AP2A1: variants seen among roughly 807,000 people sequenced by gnomAD.
AP2A1 encodes adaptor related protein complex 2 subunit alpha 1.
AP2A1 carries 21 observed loss-of-function variants against 107.3 expected under a neutral mutation model. The observed-to-expected ratio is 0.20, with a 90% CI of 0.14 to 0.28. The LOEUF is 0.28. Among genes scored for constraint, AP2A1 ranks in the 10% least tolerant of loss-of-function variants. AP2A1 has a pLI of 1.00. For missense variants in AP2A1, 873 were observed against 1,307.7 expected, an observed-to-expected ratio of 0.67 and a Z score of 5.13; for synonymous variants, 602 against 564.8, an observed-to-expected ratio of 1.07 and a Z score of -0.93.
intron 7 of AP2A1, among the ~76,000 whole-genome samples, chr19:49,797,807 C>G (rs2073230289): frequency 6.6e-6 from 1 of 152,144 alleles, no homozygotes; most frequent in African/African-American, 2.4e-5. Flanking sequence ...TTCTGCCAGG[C>G]TCAGTGGCTA....
intron 1 of AP2A1, among the ~76,000 whole-genome samples, chr19:49,768,679 T>G (rs1485561036): frequency 6.6e-6 from 1 of 152,004 alleles, no homozygotes; most frequent in Non-Finnish European, 1.5e-5. Flanking sequence ...GGAGAAATGA[T>G]CACTTGTTAT....
At chr19:49,801,300 G>A (rs532940179) in intron 12 of AP2A1, 90 bp from the exon 13 acceptor site, 12 of 1,333,374 alleles carry the variant, frequency 9.0e-6, no homozygotes, top group South Asian at 1.3e-5. Flanking sequence ...GTCCTGGGAC[G>A]GGTCCATCCT....
chr19:49,791,200 T>G (rs79354423), intron 4 of AP2A1, among the ~76,000 whole-genome samples: 16,789 of 152,296 alleles, frequency 0.11, 1,211 homozygotes, highest in East Asian at 0.23. Flanking sequence ...CTTTCCTCCT[T>G]AAGTTACTCT....
At chr19:49,802,689 G>C in intron 15 of AP2A1, 1 of 1,301,062 alleles carries the variant, frequency 7.7e-7, no homozygotes, top group Non-Finnish European at 1.0e-6. Flanking sequence ...CCTCGTCAAC[G>C]GGTTCCTGAT....
intron 6 of AP2A1, 28 bp from the exon 7 acceptor site, chr19:49,795,602 C>CCCCCACA: frequency 8.1e-7 from 1 of 1,236,848 alleles, no homozygotes. Context: ...CCCCAGCCCC[C>CCCCCACA]AACTTATTTC....
intron 1 of AP2A1, among the ~76,000 whole-genome samples, chr19:49,775,439 C>G (rs1299151258): frequency 1.3e-5 from 2 of 152,072 alleles, no homozygotes; most frequent in Non-Finnish European, 2.9e-5. Flanking sequence ...CTCAGCCTCC[C>G]TAGTAGCTGG....
chr19:49,770,009 C>T (rs962557466), intron 1 of AP2A1, among the ~76,000 whole-genome samples: 2 of 152,124 alleles, frequency 1.3e-5, no homozygotes, highest in Non-Finnish European at 2.9e-5. Flanking sequence ...GCTGGGATTA[C>T]AGGCACCCGC....
intron 1 of AP2A1, among the ~76,000 whole-genome samples, chr19:49,772,386 C>T (rs961092038): frequency 2.7e-5 from 4 of 149,760 alleles, no homozygotes; most frequent in African/African-American, 7.4e-5. Context: ...TTATGTTGCC[C>T]GGGCTGGTCT....
At chr19:49,775,138 C>T (rs756862747) in intron 1 of AP2A1, among the ~76,000 whole-genome samples, 4 of 151,172 alleles carry the variant, frequency 2.6e-5, no homozygotes, top group Non-Finnish European at 5.9e-5. Flanking sequence ...TGAGATGGGA[C>T]GATCGCTTGA....
intron 6 of AP2A1, among the ~76,000 whole-genome samples, chr19:49,795,386 G>A (rs749639805): frequency 5.3e-5 from 8 of 152,162 alleles, no homozygotes; most frequent in Non-Finnish European, 1.0e-4. Flanking sequence ...GTCGGGCATG[G>A]TGGCTCATGC....
Position 49,802,962 on chromosome 19 carries a change from G to A in AP2A1, c.2128G>A (p.Asp710Asn), listed in dbSNP as rs773800083. 1.9e-6 allele frequency: 3 copies of A among 1,612,998 alleles called. No homozygotes were observed. Among genetic ancestry groups the A allele is most frequent in the Non-Finnish European group, 2.5e-6 (3 of 1,179,594 alleles). Residue 710 changes from aspartate to asparagine, a missense_variant, in exon 16 of 23, where the codon GAC becomes AAC. Coordinates refer to ENST00000354293, the MANE Select transcript of AP2A1 (RefSeq NM_130787.3). ...EEAFLSPGPE[D>N]IGPPIPEADE... ...CCATGCCTCCAGCCCAGGTCCTGAGGACATCGGCCCTCCCATTCCGGAAGC... is the reference window on the plus strand; with the variant it reads ...CCATGCCTCCAGCCCAGGTCCTGAGAACATCGGCCCTCCCATTCCGGAAGC...
Position 49,785,649 on chromosome 19 carries a change from G to A in AP2A1, c.473+2925G>A, listed in dbSNP as rs150410988. ...TGCAAAATACAGGCCAGGCACAGCA[G>A]CTCACACCCGTAATCCCAGCACCTT... On this transcript the variant is annotated intron_variant, in intron 4 of 22. Transcript: ENST00000354293. This position sits in a 1 kb window ranked among gnomAD's most constrained non-coding sequence, Gnocchi z 4.1. Among the ~76,000 whole-genome samples, 8 of 152,226 alleles carry A rather than the reference G, an allele frequency of 5.3e-5. No individual in the cohort carries two copies. The East Asian group carries it at 1.5e-3, about 29-fold the overall frequency.
intron 18 of AP2A1, 178 bp from the exon 19 acceptor site, chr19:49,805,275 T>G (rs1390858140): frequency 1.3e-5 from 9 of 707,266 alleles, no homozygotes; most frequent in Admixed American, 6.4e-5. Context: ...AGGGGGCGCC[T>G]CAGAGGTTTC....
At chr19:49,801,359 T>C in intron 12 of AP2A1, 31 bp from the exon 13 acceptor site, 1 of 1,591,104 alleles carries the variant, frequency 6.3e-7, no homozygotes, top group Non-Finnish European at 8.6e-7. Flanking sequence ...CAGTGGAACC[T>C]GGCCCCGCTG....
intron 21 of AP2A1, 86 bp downstream of exon 21, chr19:49,806,027 T>C: frequency 6.2e-7 from 1 of 1,610,338 alleles, no homozygotes; most frequent in Middle Eastern, 1.7e-4. Flanking sequence ...TGGGGCCAAT[T>C]CCCATCCCCA....
chr19:49,772,487 A>G (rs1467837095), intron 1 of AP2A1, among the ~76,000 whole-genome samples: 3 of 108,292 alleles, frequency 2.8e-5, no homozygotes, highest in African/African-American at 7.4e-5. Flanking sequence ...CCCCTTCTCT[A>G]TTTTCAAGAA....
At chr19:49,806,320 C>T in intron 22 of AP2A1, 67 bp downstream of exon 22, 1 of 1,491,292 alleles carries the variant, frequency 6.7e-7, no homozygotes, top group Non-Finnish European at 8.9e-7. Flanking sequence ...GTCCACCCTT[C>T]CTGCCTCACT....
At chr19:49,797,914 A>C (rs371035112) in intron 7 of AP2A1, among the ~76,000 whole-genome samples, 5 of 52,256 alleles carry the variant, frequency 9.6e-5, no homozygotes, top group African/African-American at 2.5e-4. Flanking sequence ...CCCTGTTTCC[A>C]AAAAATAGGA....
intron 5 of AP2A1, among the ~76,000 whole-genome samples, chr19:49,792,446 T>C (rs568684368): frequency 1.3e-5 from 2 of 150,816 alleles, no homozygotes; most frequent in Non-Finnish European, 1.5e-5. Flanking sequence ...AGCTTCCCCC[T>C]CGGCGCTGAC....
Sources: gnomAD v4.1 joint callset for allele counts (sites outside exome capture counted in the v4.1 genomes callset) on GRCh38, gnomAD v4.1.1 for gene constraint, Gnocchi (gnomAD v3.1) non-coding constraint, MANE v1.5 for transcripts, NCBI Gene and HGNC (gene_info 2026-07-23, HGNC 2026-07-21) for gene names.